The following UBXN4 variants were observed in gnomAD, a reference collection of about 807,000 sequenced individuals.
UBXN4 encodes UBX domain-containing protein 4.
Under a neutral mutation model 66.2 loss-of-function variants are expected in UBXN4, and 35 were observed. That is an observed-to-expected ratio of 0.53 (90% CI 0.40 to 0.70). The LOEUF is 0.70. Ranked by LOEUF, UBXN4 falls within the 30% of genes least tolerant of loss-of-function variation. The pLI is 0.00. For synonymous variants in UBXN4, 203 were observed against 204.5 expected, an observed-to-expected ratio of 0.99 and a Z score of 0.06; for missense variants, 533 against 599.8, an observed-to-expected ratio of 0.89 and a Z score of 1.16.
chr2:135,771,807 C>T (rs1205839767), intron 8 of UBXN4, among the ~76,000 whole-genome samples: 1 of 152,164 alleles, frequency 6.6e-6, no homozygotes, highest in Non-Finnish European at 1.5e-5. Flanking sequence ...AGGTGATCCA[C>T]CCACCTCGGC....
intron 10 of UBXN4, 101 bp from the exon 11 acceptor site, chr2:135,778,847 T>C (rs539774434): frequency 2.3e-6 from 3 of 1,295,850 alleles, no homozygotes; most frequent in Admixed American, 5.4e-5. Context: ...TAATGAACTT[T>C]TAAAATTAAG....
In UBXN4 at chr2:135,755,703, T is replaced by C. The variant is rs145462535; in HGVS notation, c.508+12T>C. The C allele has an allele frequency of 1.4e-5, 21 of 1,461,694 alleles. No individual in the cohort carries two copies. The African/African-American group carries it at 2.8e-4, about 20-fold the overall frequency. 90.5% of individuals were successfully genotyped at this position (1,461,694 alleles called of 1,614,324 possible). A position where few individuals can be genotyped will look rare whatever the true frequency, so the allele number is the denominator to read the frequency against. On this transcript the variant is annotated intron_variant, in intron 5 of 12. Transcript: ENST00000272638. ...AGATACTGCAACAGGTAACTTTTAA[T>C]GTACCTTTTTGAGTGCAATAGAAGC... is the stretch of plus-strand genomic sequence containing the variant.
intron 10 of UBXN4, among the ~76,000 whole-genome samples, chr2:135,777,840 G>T (rs71348715): frequency 0.53 from 79,764 of 150,442 alleles, 25,259 homozygotes; most frequent in Non-Finnish European, 0.73. Flanking sequence ...CTGAGATTGC[G>T]CCACTGTACT....
chr2:135,746,407 A>G (rs2077207667), intron 1 of UBXN4, among the ~76,000 whole-genome samples: 1 of 152,166 alleles, frequency 6.6e-6, no homozygotes, highest in Non-Finnish European at 1.5e-5. Flanking sequence ...CCTTCATTCT[A>G]GTTAGGGGAG....
At chr2:135,765,475 T>C (rs55897793) in intron 6 of UBXN4, among the ~76,000 whole-genome samples, 13,567 of 152,114 alleles carry the variant, frequency 0.089, 952 homozygotes, top group South Asian at 0.23. Context: ...CCTCCCAAAG[T>C]GCTGGAATTA....
At chr2:135,775,520 GA>G (rs1004778374) in intron 9 of UBXN4, among the ~76,000 whole-genome samples, 2 of 152,070 alleles carry the variant, frequency 1.3e-5, no homozygotes, top group African/African-American at 4.8e-5. Context: ...CAATTTCCAT[GA>G]AAAAAGCAAG....
intron 9 of UBXN4, among the ~76,000 whole-genome samples, chr2:135,775,119 G>T (rs1034461965): frequency 6.6e-6 from 1 of 152,202 alleles, no homozygotes; most frequent in Non-Finnish European, 1.5e-5. Context: ...CACCCACTAA[G>T]TATGCCTAAA....
At chr2:135,761,774 GC>G (rs1206764304) in intron 5 of UBXN4, 43 bp from the exon 6 acceptor site, 7 of 1,443,188 alleles carry the variant, frequency 4.9e-6, no homozygotes, top group Non-Finnish European at 6.6e-6. Flanking sequence ...TTAAAAAGTT[GC>G]ATTAAATGCA....
rs1019232647 is a variant in UBXN4 at position 135,783,544 on chromosome 2, G to A, written c.*657G>A. 3 of 151,924 alleles carry A rather than the reference G, an allele frequency of 2.0e-5. No individual in the cohort carries two copies. Among genetic ancestry groups the A allele is most frequent in the African/African-American group, 7.3e-5 (3 of 41,352 alleles). 9.4% of individuals were successfully genotyped at this position (151,924 alleles called of 1,614,324 possible). A position where few individuals can be genotyped will look rare whatever the true frequency, so the allele number is the denominator to read the frequency against. On this transcript the variant is annotated 3_prime_UTR_variant, in exon 13 of 13. Coordinates refer to ENST00000272638, the MANE Select transcript of UBXN4 (RefSeq NM_014607.4). ...GAGCTGTCTCTGGAAAGTAGCTGGCGAGGTTACCTTAACTATCACTGAAGA... is the reference window on the plus strand; with the variant it reads ...GAGCTGTCTCTGGAAAGTAGCTGGCAAGGTTACCTTAACTATCACTGAAGA...
intron 3 of UBXN4, chr2:135,753,768 G>A (rs1447114686): frequency 5.9e-6 from 3 of 511,450 alleles, no homozygotes; most frequent in Non-Finnish European, 1.0e-5. Context: ...ACTCAATGGT[G>A]TAGTGCACCC....
intron 6 of UBXN4, among the ~76,000 whole-genome samples, chr2:135,769,123 C>A (rs2077366804): frequency 6.6e-6 from 1 of 152,004 alleles, no homozygotes; most frequent in Admixed American, 6.6e-5. Flanking sequence ...TACCTTAGCC[C>A]CTAAAGTAGC....
chr2:135,745,875 C>CTTTTTT lies in UBXN4; in HGVS notation c.83-2376_83-2371dup, dbSNP rs59946844. Among the ~76,000 whole-genome samples, 10 of 74,406 alleles carry CTTTTTT rather than the reference C, an allele frequency of 1.3e-4. 3 individuals are homozygous for CTTTTTT. Among genetic ancestry groups the CTTTTTT allele is most frequent in the African/African-American group, 3.1e-4 (6 of 19,496 alleles). The allele number at this position is 74,406 out of a possible 152,430, so 48.8% of individuals were successfully genotyped here. A position where few individuals can be genotyped will look rare whatever the true frequency, so the allele number is the denominator to read the frequency against. ...TGTGGATGCATTCTAGTCCCGTTTACTTTTTTTTTTTTTTTTTTTTTGAGA... is the reference window on the plus strand; with the variant it reads ...TGTGGATGCATTCTAGTCCCGTTTACTTTTTTTTTTTTTTTTTTTTTTTTTTTGAGA... On this transcript the variant is annotated intron_variant, in intron 1 of 12. Coordinates refer to ENST00000272638, the MANE Select transcript of UBXN4 (RefSeq NM_014607.4).
At position 135,778,977 on chromosome 2, in the gene UBXN4, G is replaced by T. The variant is rs376636890; in HGVS notation, c.1083G>T (p.Ser361=). 6.2e-7 allele frequency: 1 copy of T among 1,611,232 alleles called. No individual in the cohort carries two copies. Among genetic ancestry groups the T allele is most frequent in the East Asian group, 2.2e-5 (1 of 44,808 alleles). The change falls in exon 11 of 13, where the codon TCG becomes TCT. Residue 361 remains serine (S), a synonymous_variant. Coordinates refer to ENST00000272638, the MANE Select transcript of UBXN4 (RefSeq NM_014607.4). Reference sequence around the variant, plus strand: ...TTGGCAACACTTACGGTAATTTTTCGTTAGCAACCATGTTTCCCAGGAGGG... The same window carrying T: ...TTGGCAACACTTACGGTAATTTTTCTTTAGCAACCATGTTTCCCAGGAGGG... ...QTVGNTYGNF[S]LATMFPRREF...
intron 7 of UBXN4, among the ~76,000 whole-genome samples, chr2:135,770,066 C>T (rs570527884): frequency 6.6e-6 from 1 of 151,964 alleles, no homozygotes; most frequent in South Asian, 2.1e-4. Context: ...TTTTTTTACA[C>T]TAAGAATAAA....
chr2:135,752,081 A>G (rs944802769), intron 2 of UBXN4, among the ~76,000 whole-genome samples: 2 of 151,686 alleles, frequency 1.3e-5, no homozygotes, highest in South Asian at 2.1e-4. Flanking sequence ...AGAGTCTCAC[A>G]TTGTACCCTG....
At chr2:135,766,462 T>G (rs2077348494) in intron 6 of UBXN4, among the ~76,000 whole-genome samples, 1 of 152,202 alleles carries the variant, frequency 6.6e-6, no homozygotes, top group Admixed American at 6.5e-5. Context: ...TTTTCTTCCC[T>G]TGATTCAAGA....
chr2:135,774,940 AG>A (rs1297019914), intron 9 of UBXN4, among the ~76,000 whole-genome samples: 1 of 152,240 alleles, frequency 6.6e-6, no homozygotes, highest in Non-Finnish European at 1.5e-5. Context: ...GAATATAAAA[AG>A]AACCTGTGAC....
chr2:135,769,056 G>A (rs2077366359), intron 6 of UBXN4, among the ~76,000 whole-genome samples: 1 of 152,074 alleles, frequency 6.6e-6, no homozygotes, highest in South Asian at 2.1e-4. Flanking sequence ...AGGCTGGAAT[G>A]CAGTAACGCG....
At position 135,761,929 on chromosome 2, in the gene UBXN4, C is replaced by A; in HGVS notation, c.602+18C>A. ...GTGGAAAGGTTTGCTCTTCTTTTTG[C>A]AAATAGCATTTTGTTTAAAAAGACA... On this transcript the variant is annotated intron_variant, in intron 6 of 12. Coordinates refer to ENST00000272638, the MANE Select transcript of UBXN4 (RefSeq NM_014607.4). 1 of 1,598,980 alleles carries A rather than the reference C, an allele frequency of 6.3e-7. No homozygotes were observed. Among genetic ancestry groups the A allele is most frequent in the South Asian group, 1.1e-5 (1 of 88,200 alleles).
Sources: allele counts gnomAD v4.1 joint callset (sites outside exome capture counted in the v4.1 genomes callset), GRCh38; gene constraint gnomAD v4.1.1; transcripts MANE v1.5; gene names NCBI Gene and HGNC (gene_info 2026-07-23, HGNC 2026-07-21).